SORL1: variants seen among roughly 807,000 people sequenced by gnomAD.
SORL1 encodes the protein sortilin-related receptor.
In SORL1, 127 loss-of-function variants were observed where a neutral mutation model predicts 273.7. That is an observed-to-expected ratio of 0.46 (90% CI 0.40 to 0.54). The LOEUF (loss-of-function observed/expected upper bound fraction) is 0.54, where lower values mean the gene tolerates loss of function less well. Among genes scored for constraint, SORL1 ranks in the 20% least tolerant of loss-of-function variants. The pLI, the probability that SORL1 is intolerant of heterozygous loss-of-function variation, is 0.00. For missense variants in SORL1, 2,494 were observed against 2,846.1 expected (o/e 0.88, Z 2.81); for synonymous variants, 1,031 against 1,067.4 (o/e 0.97, Z 0.66).
At chr11:121,464,077 T>G (rs1861045847) in intron 1 of SORL1, among the ~76,000 whole-genome samples, 2 of 152,242 alleles carry the variant, frequency 1.3e-5, no homozygotes, top group Non-Finnish European at 1.5e-5. Context: ...AAACGCTTCT[T>G]TGTATTTCAC....
At chr11:121,459,902 A>AC (rs1422417368) in intron 1 of SORL1, among the ~76,000 whole-genome samples, 1 of 152,136 alleles carries the variant, frequency 6.6e-6, no homozygotes. Flanking sequence ...TTCTTGGCTG[A>AC]CCTTTTAACT....
chr11:121,517,350 T>A (rs1288921169), intron 8 of SORL1, among the ~76,000 whole-genome samples: 2 of 152,242 alleles, frequency 1.3e-5, no homozygotes, highest in Non-Finnish European at 2.9e-5. Flanking sequence ...TGTGACCTTC[T>A]GTGTCTGGCT....
At chr11:121,606,654 C>A (rs760316227) in intron 35 of SORL1, among the ~76,000 whole-genome samples, 191 bp from the exon 36 acceptor site, 2 of 152,170 alleles carry the variant, frequency 1.3e-5, no homozygotes, top group Admixed American at 6.5e-5. Flanking sequence ...GATGTGTGGA[C>A]GGCACACCTT....
intron 4 of SORL1, 126 bp downstream of exon 4, chr11:121,488,319 T>G: frequency 1.1e-6 from 1 of 940,116 alleles, no homozygotes; most frequent in Non-Finnish European, 1.6e-6. Context: ...GGGCCTAGCC[T>G]TTGTAGCTAC....
chr11:121,617,476 A>G (rs1863658687), intron 41 of SORL1, among the ~76,000 whole-genome samples: 1 of 152,162 alleles, frequency 6.6e-6, no homozygotes, highest in African/African-American at 2.4e-5. Flanking sequence ...CCCCTTAGAT[A>G]GGGATTTGGG....
intron 2 of SORL1, 42 bp from the exon 3 acceptor site, chr11:121,478,076 C>T (rs756403240): frequency 1.3e-6 from 2 of 1,491,104 alleles, no homozygotes. Flanking sequence ...GCCAGTTTCT[C>T]ACCAACTCTT....
intron 31 of SORL1, among the ~76,000 whole-genome samples, chr11:121,593,973 T>C (rs1863254233): frequency 6.6e-6 from 1 of 152,230 alleles, no homozygotes; most frequent in Admixed American, 6.5e-5. Context: ...TTAAAGTGTT[T>C]TAATTCTGTC....
rs1862821420 is a variant in SORL1, at chr11:121,570,280, C to T, written c.3337+10C>T. ...GATGAGAGAAACTGCCGTGAGTCTT[C>T]TGGATTGGACGTTAAGCACTTACCA... On this transcript the variant is annotated intron_variant, in intron 23 of 47. Transcript: ENST00000260197. 5.7e-6 allele frequency: 9 copies of T among 1,592,890 alleles called. No homozygotes were observed. The highest frequency in any genetic ancestry group is 2.7e-5 in the African/African-American group (2 of 74,468).
intron 25 of SORL1, 141 bp from the exon 26 acceptor site, chr11:121,583,317 A>T (rs1863039315): frequency 1.0e-6 from 1 of 967,412 alleles, no homozygotes; most frequent in Non-Finnish European, 1.4e-6. Context: ...CCCAATTCTC[A>T]GCCAAGGAGA....
chr11:121,464,395 G>A (rs532618642), intron 1 of SORL1, among the ~76,000 whole-genome samples: 1 of 152,250 alleles, frequency 6.6e-6, no homozygotes, highest in South Asian at 2.1e-4. Flanking sequence ...GAGCTAACAG[G>A]TAAGAAATGA....
At chr11:121,587,889 T>G in intron 27 of SORL1, 131 bp from the exon 28 acceptor site, 1 of 1,007,146 alleles carries the variant, frequency 9.9e-7, no homozygotes, top group East Asian at 2.6e-5. Flanking sequence ...AGAAAACAAG[T>G]GCTCAATAAA....
chr11:121,629,585 C>T lies in SORL1; in HGVS notation c.*22C>T, dbSNP rs750294614. 4.2e-6 allele frequency: 5 copies of T among 1,197,678 alleles called. No homozygotes were observed. The highest frequency in any genetic ancestry group is 6.2e-6 in the Non-Finnish European group (5 of 800,628). The allele number at this position is 1,197,678 out of a possible 1,614,324, so 74.2% of individuals were successfully genotyped here. On this transcript the variant is annotated 3_prime_UTR_variant, in exon 48 of 48. Transcript: ENST00000260197. ...CTGAAAGAGCTTTCCTCACTAGAAACCAAATGGTGTAAATATTTTATTTGA... is the reference window on the plus strand; with the variant it reads ...CTGAAAGAGCTTTCCTCACTAGAAATCAAATGGTGTAAATATTTTATTTGA...
intron 17 of SORL1, 160 bp from the exon 18 acceptor site, chr11:121,555,027 T>G: frequency 1.4e-6 from 1 of 710,740 alleles, no homozygotes; most frequent in East Asian, 2.8e-5. Flanking sequence ...AATGCTTTCA[T>G]GAAAACCTGG....
intron 40 of SORL1, among the ~76,000 whole-genome samples, chr11:121,613,688 T>C (rs1006837069): frequency 1.3e-5 from 2 of 152,240 alleles, no homozygotes; most frequent in African/African-American, 4.8e-5. Flanking sequence ...CCGTGAGATA[T>C]GCCCGCTTTA....
At chr11:121,477,591 G>T (rs970534579) in intron 2 of SORL1, among the ~76,000 whole-genome samples, 2 of 152,184 alleles carry the variant, frequency 1.3e-5, no homozygotes, top group East Asian at 3.8e-4. Flanking sequence ...GGACTGCAGG[G>T]GTCCCATGCT....
At chr11:121,481,951 G>C (rs866192315) in intron 3 of SORL1, among the ~76,000 whole-genome samples, 3,059 of 40,762 alleles carry the variant, frequency 0.075, no homozygotes, top group Middle Eastern at 0.12. Flanking sequence ...TCCTCCTCCC[G>C]AGCTCCTCCC....
chr11:121,623,124 T>C (rs2134951220), intron 45 of SORL1, among the ~76,000 whole-genome samples: 1 of 152,324 alleles, frequency 6.6e-6, no homozygotes, highest in South Asian at 2.1e-4. Context: ...TTCAAGTAAG[T>C]TCAAAATGGA....
At chr11:121,527,900 A>G (rs969987894) in intron 11 of SORL1, among the ~76,000 whole-genome samples, 1 of 152,094 alleles carries the variant, frequency 6.6e-6, no homozygotes, top group Admixed American at 6.5e-5. Flanking sequence ...TGATCTTTCC[A>G]AAGAATCTGC....
chr11:121,459,108 GT>G (rs1860951136), intron 1 of SORL1, among the ~76,000 whole-genome samples: 1 of 152,206 alleles, frequency 6.6e-6, no homozygotes, highest in Non-Finnish European at 1.5e-5. Context: ...TGATAGTGAT[GT>G]TTTCTATCTG....
Sources: gnomAD v4.1 joint callset for allele counts (sites outside exome capture counted in the v4.1 genomes callset) on GRCh38, gnomAD v4.1.1 for gene constraint, MANE v1.5 for transcripts, NCBI Gene and HGNC (gene_info 2026-07-23, HGNC 2026-07-21) for gene names.